BABAM2: variants seen among roughly 807,000 people sequenced by gnomAD.
BABAM2 encodes the protein BRISC and BRCA1-A complex member 2.
A neutral mutation model predicts 54.7 loss-of-function variants in BABAM2; 31 were observed. The observed-to-expected ratio is 0.57, with a 90% CI of 0.43 to 0.77. The LOEUF (loss-of-function observed/expected upper bound fraction) is 0.77. Ranked by LOEUF, BABAM2 falls within the 30% of genes least tolerant of loss-of-function variation. The pLI is 0.00. For synonymous variants in BABAM2, 167 were observed against 162.9 expected (o/e 1.03, Z -0.19); for missense variants, 364 against 455.8 (o/e 0.80, Z 1.83).
At position 28,243,717 on chromosome 2, in the gene BABAM2, T is replaced by A. The variant is rs545229637; in HGVS notation, c.852-1063T>A. ...GTGAGACTCTGTCTCAAAAAAAAAATAAATAAATTCATAGAAATATAAACT... is the reference window on the plus strand; with the variant it reads ...GTGAGACTCTGTCTCAAAAAAAAAAAAAATAAATTCATAGAAATATAAACT... On this transcript the variant is annotated intron_variant, in intron 9 of 11. Transcript: ENST00000379624. Among the ~76,000 whole-genome samples, 57 of 151,228 alleles carry A rather than the reference T, an allele frequency of 3.8e-4. 2 individuals carry two copies. The East Asian group carries it at 8.2e-3, about 22-fold the overall frequency.
At chr2:28,116,374 G>C (rs1470966298) in intron 6 of BABAM2, among the ~76,000 whole-genome samples, 1 of 152,186 alleles carries the variant, frequency 6.6e-6, no homozygotes, top group Non-Finnish European at 1.5e-5. Context: ...ACGTCAAGGG[G>C]AGACTCTCTA....
At position 28,322,371 on chromosome 2, in the gene BABAM2, C is replaced by T. The variant is rs886816416; in HGVS notation, c.1089-16079C>T. On this transcript the variant is annotated intron_variant, in intron 11 of 11. Coordinates refer to ENST00000379624, the MANE Select transcript of BABAM2 (RefSeq NM_199191.3). The surrounding 1 kb of genome is among the most constrained non-coding windows in gnomAD (Gnocchi z 4.1). ...CCAGACAGTTTATGTAAGATTGCTTCATTCCAGAGAGCAGAACTGGGATCC... is the reference window on the plus strand; with the variant it reads ...CCAGACAGTTTATGTAAGATTGCTTTATTCCAGAGAGCAGAACTGGGATCC... Among the ~76,000 whole-genome samples the T allele has an allele frequency of 1.3e-5, 2 of 152,222 alleles. No individual in the cohort carries two copies. Among genetic ancestry groups the T allele is most frequent in the Non-Finnish European group, 2.9e-5 (2 of 68,030 alleles).
intron 11 of BABAM2, among the ~76,000 whole-genome samples, chr2:28,328,084 G>A (rs1690634328): frequency 6.6e-6 from 1 of 152,168 alleles, no homozygotes; most frequent in Non-Finnish European, 1.5e-5. Flanking sequence ...AGGGTTTGGG[G>A]TGAAGGACAT....
At chr2:28,248,063 A>C (rs1027833772) in intron 10 of BABAM2, among the ~76,000 whole-genome samples, 38 of 152,214 alleles carry the variant, frequency 2.5e-4, no homozygotes, top group African/African-American at 8.9e-4. Flanking sequence ...TCCCATCCAG[A>C]AACTATTTTT....
At chr2:28,167,142 A>C (rs969659953) in intron 7 of BABAM2, among the ~76,000 whole-genome samples, 1 of 152,176 alleles carries the variant, frequency 6.6e-6, no homozygotes, top group African/African-American at 2.4e-5. Flanking sequence ...TCACTTATGC[A>C]TATGTTCTTC....
intron 7 of BABAM2, among the ~76,000 whole-genome samples, chr2:28,218,810 G>T (rs1218033022): frequency 6.6e-6 from 1 of 152,042 alleles, no homozygotes; most frequent in African/African-American, 2.4e-5. Flanking sequence ...ACGTTTATTA[G>T]TTGGCTTTCT....
At chr2:28,308,396 C>A in intron 11 of BABAM2, 1 of 509,398 alleles carries the variant, frequency 2.0e-6, no homozygotes, top group South Asian at 1.5e-5. Flanking sequence ...TCATCAGGTT[C>A]CCCCAACCAC....
intron 5 of BABAM2, among the ~76,000 whole-genome samples, chr2:28,025,970 A>G (rs1291700136): frequency 6.6e-6 from 1 of 152,234 alleles, no homozygotes; most frequent in African/African-American, 2.4e-5. Flanking sequence ...GGTAAAAGCC[A>G]AAGTCCTTCC....
chr2:27,961,013 A>G (rs1404477532), intron 3 of BABAM2, among the ~76,000 whole-genome samples: 1 of 152,196 alleles, frequency 6.6e-6, no homozygotes, highest in Non-Finnish European at 1.5e-5. Flanking sequence ...GTCAGTTGGC[A>G]TTGGGAAGTA....
At chr2:27,959,686 T>C (rs1670333250) in intron 3 of BABAM2, among the ~76,000 whole-genome samples, 1 of 152,194 alleles carries the variant, frequency 6.6e-6, no homozygotes, top group African/African-American at 2.4e-5. Flanking sequence ...CTGCTTGATT[T>C]CCTTCTGTCT....
At chr2:28,311,223 T>C (rs1215005896) in intron 11 of BABAM2, among the ~76,000 whole-genome samples, 5 of 146,212 alleles carry the variant, frequency 3.4e-5, no homozygotes, top group Middle Eastern at 3.6e-3. Flanking sequence ...ATCGCGCCAC[T>C]GCACTCCAGC....
At chr2:28,107,758 T>C (rs189304381) in intron 6 of BABAM2, among the ~76,000 whole-genome samples, 3 of 152,340 alleles carry the variant, frequency 2.0e-5, no homozygotes, top group Admixed American at 2.0e-4. Flanking sequence ...TAGTTGTTTA[T>C]TTTTCCCACT....
intron 4 of BABAM2, among the ~76,000 whole-genome samples, chr2:28,022,347 C>T (rs533312782): frequency 7.9e-5 from 12 of 152,202 alleles, no homozygotes; most frequent in Non-Finnish European, 1.8e-4. Flanking sequence ...GGCAGATTTA[C>T]ATTCTACACA....
intron 4 of BABAM2, among the ~76,000 whole-genome samples, chr2:28,016,947 G>A (rs937781728): frequency 4.6e-5 from 7 of 152,066 alleles, no homozygotes; most frequent in Admixed American, 3.3e-4. Context: ...TTTTTTGTTA[G>A]CCACATGACT....
At chr2:28,047,950 A>G (rs1190327340) in intron 6 of BABAM2, among the ~76,000 whole-genome samples, 1 of 152,228 alleles carries the variant, frequency 6.6e-6, no homozygotes, top group African/African-American at 2.4e-5. Flanking sequence ...TTGTTGTAAC[A>G]TGTGGTTATG....
intron 11 of BABAM2, among the ~76,000 whole-genome samples, chr2:28,336,897 G>A (rs1000866142): frequency 4.6e-4 from 70 of 152,382 alleles, no homozygotes; most frequent in African/African-American, 1.6e-3. Flanking sequence ...TCTTCTCACT[G>A]CTGCTGTGAA....
In BABAM2 at chr2:28,025,385, A is replaced by C; in HGVS notation, c.460A>C (p.Asn154His). 1 of 1,581,232 alleles carries C rather than the reference A, an allele frequency of 6.3e-7. No individual in the cohort carries two copies. The highest frequency in any genetic ancestry group is 8.5e-7 in the Non-Finnish European group (1 of 1,171,240). Residue 154 changes from asparagine (N) to histidine (H), a missense_variant, in exon 5 of 12, where the codon AAC (asparagine) becomes CAC (histidine). Asn to His is a moderately conservative substitution (Grantham distance 68). Transcript: ENST00000379624. ...TLLEEPQYGE[N>H]MEIYAGKKNN... ...ACTGGAGGAGCCACAGTATGGAGAG[A>C]ACATGGAAATTTATGCTGGGAAAAA...
At chr2:28,211,855 A>G (rs368515134) in intron 7 of BABAM2, among the ~76,000 whole-genome samples, 2 of 152,370 alleles carry the variant, frequency 1.3e-5, no homozygotes, top group South Asian at 4.1e-4. Flanking sequence ...TAACAAAATT[A>G]CCAGTAATTC....
At chr2:28,157,464 T>A (rs930287113) in intron 7 of BABAM2, among the ~76,000 whole-genome samples, 3 of 152,224 alleles carry the variant, frequency 2.0e-5, no homozygotes, top group Admixed American at 6.5e-5. Flanking sequence ...GTAGACAGGC[T>A]GCTATGGATA....
Sources: allele counts gnomAD v4.1 joint callset (sites outside exome capture counted in the v4.1 genomes callset), GRCh38; gene constraint gnomAD v4.1.1; non-coding constraint Gnocchi (gnomAD v3.1); transcripts MANE v1.5; gene names NCBI Gene and HGNC (gene_info 2026-07-23, HGNC 2026-07-21).